Variants in PICALM observed in about 807,000 individuals in gnomAD.
The protein encoded by PICALM is phosphatidylinositol-binding clathrin assembly protein.
A neutral mutation model predicts 80.5 loss-of-function variants in PICALM; 40 were observed. That is an observed-to-expected ratio of 0.50 (90% CI 0.39 to 0.65). The LOEUF (loss-of-function observed/expected upper bound fraction) is 0.65. Among genes scored for constraint, PICALM ranks in the 30% least tolerant of loss-of-function variants. The pLI is 0.00. For synonymous variants in PICALM, 288 were observed against 260.3 expected, an observed-to-expected ratio of 1.11 and a Z score of -1.02; for missense variants, 676 against 778.9, an observed-to-expected ratio of 0.87 and a Z score of 1.57.
At chr11:86,066,539 T>A (rs2096450553) in intron 1 of PICALM, among the ~76,000 whole-genome samples, 1 of 152,138 alleles carries the variant, frequency 6.6e-6, no homozygotes, top group African/African-American at 2.4e-5. Context: ...CTAATAACAT[T>A]TATGAAACAA....
At chr11:86,040,003 C>CAAAAAAAA in intron 1 of PICALM, among the ~76,000 whole-genome samples, 1 of 53,396 alleles carries the variant, frequency 1.9e-5, no homozygotes. Flanking sequence ...GACGCCGTCT[C>CAAAAAAAA]AAAAAAAAAA....
upstream of PICALM, chr11:86,069,733 T>C (rs1352815791): frequency 6.6e-6 from 1 of 152,278 alleles, no homozygotes; most frequent in Non-Finnish European, 1.5e-5. Flanking sequence ...AGAAAGGTTT[T>C]TTCCCCCCTT....
In PICALM at chr11:86,031,512, T is replaced by C; in HGVS notation, c.230A>G (p.Lys77Arg). The change falls in exon 2 of 20, where the codon AAA (lysine) becomes AGA (arginine). Residue 77 changes from lysine to arginine, a missense_variant. Lys to Arg is a conservative substitution (Grantham distance 26, BLOSUM62 2). Around this residue, in one of 2 missense-constraint regions of PICALM, gnomAD observed 285 missense variants for 395.4 expected, o/e 0.72. Coordinates refer to ENST00000393346, the MANE Select transcript of PICALM (RefSeq NM_007166.4). ...CAAATGATGAGTTGTAATGAGAGAT[T>C]TGAAGACCACCACCCAACTACTATT... ...TTNSSWVVVF[K>R]SLITTHHLMV... 1 of 1,613,098 alleles carries C rather than the reference T, an allele frequency of 6.2e-7. No individual in the cohort carries two copies. Among genetic ancestry groups the C allele is most frequent in the Non-Finnish European group, 8.5e-7 (1 of 1,179,586 alleles).
rs187774958 is a variant in PICALM, at chr11:86,032,163, A to C, written c.131-552T>G. ...TGAGTTGGATCTGTTTGTTCATACA[A>C]AAGATTTATACTCCTTCTCTCCCCT... On this transcript the variant is annotated intron_variant, in intron 1 of 19. Transcript: ENST00000393346. Among the ~76,000 whole-genome samples the C allele has an allele frequency of 3.9e-3, 588 of 152,168 alleles. 2 individuals are homozygous for C. Among genetic ancestry groups the C allele is most frequent in the Non-Finnish European group, 6.3e-3 (426 of 68,018 alleles).
intron 12 of PICALM, among the ~76,000 whole-genome samples, chr11:85,993,441 A>T (rs2094857239): frequency 6.6e-6 from 1 of 151,110 alleles, no homozygotes; most frequent in Admixed American, 6.6e-5. Context: ...TTCAAGTTTA[A>T]TTTTTTCATT....
At chr11:86,036,242 T>G (rs954240924) in intron 1 of PICALM, among the ~76,000 whole-genome samples, 1 of 152,188 alleles carries the variant, frequency 6.6e-6, no homozygotes, top group African/African-American at 2.4e-5. Flanking sequence ...ACAGGCAAAT[T>G]TGCCTAGTCG....
chr11:86,033,460 G>A (rs1264527771), intron 1 of PICALM, among the ~76,000 whole-genome samples: 2 of 151,856 alleles, frequency 1.3e-5, no homozygotes, highest in South Asian at 2.1e-4. Context: ...TGTTCCTCCT[G>A]CCTAGAATTC....
chr11:85,987,985 T>C (rs1168763849), intron 13 of PICALM, among the ~76,000 whole-genome samples: 5 of 152,248 alleles, frequency 3.3e-5, no homozygotes, highest in African/African-American at 9.6e-5. Flanking sequence ...TCCAAGCATA[T>C]ACCATCAAAT....
intron 19 of PICALM, among the ~76,000 whole-genome samples, chr11:85,966,999 A>C (rs116137306): frequency 0.013 from 1,952 of 152,302 alleles, 45 homozygotes; most frequent in African/African-American, 0.044. Context: ...AAAAACTTTT[A>C]ACATGCTTAA....
intron 1 of PICALM, among the ~76,000 whole-genome samples, chr11:86,032,156 T>C (rs2095762537): frequency 6.6e-6 from 1 of 152,156 alleles, no homozygotes; most frequent in African/African-American, 2.4e-5. Flanking sequence ...ATCTGTTTGT[T>C]CATACAAAAG....
chr11:86,007,664 G>GTACCAGTAATATTTTAAACAGAC, intron 7 of PICALM, 81 bp from the exon 8 acceptor site: 1 of 469,358 alleles, frequency 2.1e-6, no homozygotes, highest in Non-Finnish European at 3.7e-6. Context: ...ATCACGGCTA[G>GTACCAGTAATATTTTAAACAGAC]TACCAGTAAT....
chr11:86,046,754 C>T (rs1024302736), intron 1 of PICALM, among the ~76,000 whole-genome samples: 5 of 152,176 alleles, frequency 3.3e-5, no homozygotes, highest in Non-Finnish European at 7.3e-5. Flanking sequence ...TACTCTGTCA[C>T]CCAGACTGGA....
intron 2 of PICALM, among the ~76,000 whole-genome samples, chr11:86,030,719 G>C (rs971339221): frequency 4.6e-5 from 7 of 152,146 alleles, no homozygotes; most frequent in African/African-American, 1.7e-4. Context: ...TGCTGAAGAA[G>C]GCACACTTCA....
At chr11:86,021,288 C>T (rs1350268265) in intron 4 of PICALM, among the ~76,000 whole-genome samples, 1 of 152,002 alleles carries the variant, frequency 6.6e-6, no homozygotes, top group Non-Finnish European at 1.5e-5. Flanking sequence ...GAGGTCGACA[C>T]TGCAGTGAGC....
At chr11:85,984,996 G>A (rs2094536532) in intron 13 of PICALM, among the ~76,000 whole-genome samples, 1 of 152,024 alleles carries the variant, frequency 6.6e-6, no homozygotes, top group Non-Finnish European at 1.5e-5. Context: ...ATGTCATAAG[G>A]CTCCTAAGGT....
rs543188613 is a variant in PICALM, at chr11:86,059,404, G to T, written c.130+9247C>A. 9.8e-5 allele frequency among the ~76,000 whole-genome samples: 15 copies of T among 152,296 alleles called. 1 individual carries two copies. The South Asian group carries it at 2.7e-3, about 27-fold the overall frequency. Reference sequence around the variant, plus strand: ...AACAATATTTGAAACTCTATAAATGGTGAGAATAATGCTGGACTGACAGGA... The same window carrying T: ...AACAATATTTGAAACTCTATAAATGTTGAGAATAATGCTGGACTGACAGGA... On this transcript the variant is annotated intron_variant, in intron 1 of 19. Coordinates refer to ENST00000393346, the MANE Select transcript of PICALM (RefSeq NM_007166.4).
chr11:86,031,339 C>T (rs1455362419), intron 2 of PICALM, 130 bp downstream of exon 2: 9 of 662,448 alleles, frequency 1.4e-5, no homozygotes, highest in Non-Finnish European at 2.2e-5. Flanking sequence ...ATTACAGGGT[C>T]TATAATTATA....
At chr11:85,988,827 AC>A (rs759492896) in intron 13 of PICALM, among the ~76,000 whole-genome samples, 3 of 152,268 alleles carry the variant, frequency 2.0e-5, no homozygotes, top group East Asian at 1.9e-4. Flanking sequence ...TATTAAAAAA[AC>A]ATATTCCGTT....
intron 2 of PICALM, among the ~76,000 whole-genome samples, chr11:86,029,143 C>T (rs2095705050): frequency 6.6e-6 from 1 of 151,970 alleles, no homozygotes; most frequent in African/African-American, 2.4e-5. Flanking sequence ...CCAGCCTGTT[C>T]TGTGCATTAT....
Sources: gnomAD v4.1 joint callset for allele counts (sites outside exome capture counted in the v4.1 genomes callset) on GRCh38, gnomAD v4.1.1 for gene constraint, gnomAD v4.1.1 regional missense constraint, MANE v1.5 for transcripts, NCBI Gene and HGNC (gene_info 2026-07-23, HGNC 2026-07-21) for gene names.